Variants in ZNF536 observed in about 807,000 individuals in gnomAD.
ZNF536 encodes zinc finger protein 536.
In ZNF536, 13 loss-of-function variants were observed where a neutral mutation model predicts 84.5. That is an observed-to-expected ratio of 0.15 (90% CI 0.10 to 0.24). The LOEUF (loss-of-function observed/expected upper bound fraction) is 0.24, where lower values mean the gene tolerates loss of function less well. ZNF536 is among the 10% of genes least tolerant of loss of function. ZNF536 has a pLI of 1.00. For synonymous variants in ZNF536, 811 were observed against 742.5 expected (o/e 1.09, Z -1.50); for missense variants, 1,536 against 1,747.5 (o/e 0.88, Z 2.16).
chr19:30,535,636 G>A (rs3786792), intron 3 of ZNF536, among the ~76,000 whole-genome samples: 18,849 of 151,950 alleles, frequency 0.12, 1,486 homozygotes, highest in East Asian at 0.31. Flanking sequence ...CATACTGGAC[G>A]AGGACTGGCT....
intron 1 of ZNF536, among the ~76,000 whole-genome samples, chr19:30,612,724 C>T (rs2048144601): frequency 1.3e-5 from 2 of 152,092 alleles, no homozygotes; most frequent in Admixed American, 1.3e-4. Context: ...GAGGAGTTAC[C>T]TCATCCCCTT....
intron 1 of ZNF536, among the ~76,000 whole-genome samples, chr19:30,591,295 C>T (rs2047269656): frequency 6.6e-6 from 1 of 152,254 alleles, no homozygotes; most frequent in Middle Eastern, 3.4e-3. Flanking sequence ...TTAGTCTGTT[C>T]TCATGCTGCT....
chr19:30,377,671 T>C (rs1291431629), intron 1 of ZNF536, among the ~76,000 whole-genome samples: 1 of 152,248 alleles, frequency 6.6e-6, no homozygotes, highest in Non-Finnish European at 1.5e-5. Flanking sequence ...TTAATTACTA[T>C]ATTTTGCAAG....
At chr19:30,546,613 G>C (rs148505727) in intron 3 of ZNF536, among the ~76,000 whole-genome samples, 1 of 152,350 alleles carries the variant, frequency 6.6e-6, no homozygotes, top group African/African-American at 2.4e-5. Context: ...GCTGAGACTA[G>C]ACACAGTGAA....
chr19:30,436,726 T>C (rs572385974), intron 1 of ZNF536, among the ~76,000 whole-genome samples: 119 of 152,334 alleles, frequency 7.8e-4, no homozygotes, highest in African/African-American at 2.8e-3. Flanking sequence ...ATTGTCTTAA[T>C]TACTGTTTAC....
chr19:30,709,402 A>T (rs56160518), intron 1 of ZNF536, among the ~76,000 whole-genome samples: 49 of 151,940 alleles, frequency 3.2e-4, no homozygotes, highest in African/African-American at 1.2e-3. Context: ...AGCAAGACTC[A>T]GGTGACACCC....
intron 2 of ZNF536, among the ~76,000 whole-genome samples, chr19:30,347,475 G>T (rs1161317738): frequency 6.6e-6 from 1 of 152,182 alleles, no homozygotes; most frequent in Admixed American, 6.5e-5. Context: ...ACCCATGATG[G>T]CTGGAAGTTG....
intron 1 of ZNF536, among the ~76,000 whole-genome samples, chr19:30,253,491 G>A (rs1208407580): frequency 1.3e-5 from 2 of 152,222 alleles, no homozygotes; most frequent in Non-Finnish European, 2.9e-5. Flanking sequence ...TGTGTTGAGA[G>A]CAGCCCCTGT....
At chr19:30,694,455 T>G (rs1436050553) in intron 1 of ZNF536, among the ~76,000 whole-genome samples, 1 of 151,680 alleles carries the variant, frequency 6.6e-6, no homozygotes, top group Non-Finnish European at 1.5e-5. Context: ...TAGTTGAGAG[T>G]GGTACAAAGT....
At chr19:30,365,889 T>C (rs1052585002) in intron 3 of ZNF536, among the ~76,000 whole-genome samples, 9 of 152,360 alleles carry the variant, frequency 5.9e-5, no homozygotes, top group South Asian at 4.1e-4. Flanking sequence ...TTATATATTT[T>C]TCATATGAAA....
intron 1 of ZNF536, among the ~76,000 whole-genome samples, chr19:30,637,504 G>A (rs557714668): frequency 6.6e-6 from 1 of 152,294 alleles, no homozygotes; most frequent in Admixed American, 6.5e-5. Context: ...GACTCAAATT[G>A]GGTCTTGGCA....
intron 3 of ZNF536, among the ~76,000 whole-genome samples, chr19:30,357,022 A>G (rs138835656): frequency 2.0e-5 from 3 of 152,386 alleles, no homozygotes; most frequent in Non-Finnish European, 2.9e-5. Flanking sequence ...TGGACAAGAC[A>G]GACAAGGGCC....
At chr19:30,346,585 A>G (rs949505429) in intron 2 of ZNF536, among the ~76,000 whole-genome samples, 1 of 152,164 alleles carries the variant, frequency 6.6e-6, no homozygotes, top group African/African-American at 2.4e-5. Flanking sequence ...AGTGAGTGAG[A>G]ACATGCAGTA....
At chr19:30,269,799 CTG>C (rs1202887799) in intron 1 of ZNF536, among the ~76,000 whole-genome samples, 1 of 152,204 alleles carries the variant, frequency 6.6e-6, no homozygotes, top group Non-Finnish European at 1.5e-5. Context: ...AGCCCAGTGT[CTG>C]TGTGTGCGGC....
chr19:30,432,006 T>TATATAC (rs149223384), intron 1 of ZNF536, among the ~76,000 whole-genome samples: 2 of 146,080 alleles, frequency 1.4e-5, no homozygotes, highest in African/African-American at 2.6e-5. Context: ...TATATATATA[T>TATATAC]ACACACACAC....
chr19:30,516,689 G>C (rs1192744017), intron 2 of ZNF536, among the ~76,000 whole-genome samples: 1 of 152,176 alleles, frequency 6.6e-6, no homozygotes, highest in Non-Finnish European at 1.5e-5. Context: ...AAGTAGGCTG[G>C]AATCAAAACA....
chr19:30,296,575 A>T (rs2046002951), intron 2 of ZNF536, among the ~76,000 whole-genome samples: 1 of 152,150 alleles, frequency 6.6e-6, no homozygotes, highest in African/African-American at 2.4e-5. Flanking sequence ...TCCAGGGCTC[A>T]GGTCCTGTTT....
At chr19:30,583,028 C>T (rs1379779512) in intron 1 of ZNF536, among the ~76,000 whole-genome samples, 1 of 152,100 alleles carries the variant, frequency 6.6e-6, no homozygotes, top group South Asian at 2.1e-4. Context: ...CTCCCAAAGT[C>T]CTGGGATTAC....
chr19:30,350,449 G>A (rs2047897026), intron 2 of ZNF536, among the ~76,000 whole-genome samples: 1 of 152,166 alleles, frequency 6.6e-6, no homozygotes, highest in Non-Finnish European at 1.5e-5. Context: ...GCATAATGCA[G>A]AATTTCTACC....
Sources: gnomAD v4.1 joint callset for allele counts (sites outside exome capture counted in the v4.1 genomes callset) on GRCh38, gnomAD v4.1.1 for gene constraint, MANE v1.5 for transcripts, NCBI Gene and HGNC (gene_info 2026-07-23, HGNC 2026-07-21) for gene names.